The following JADE2 variants were observed in gnomAD, a reference collection of about 807,000 sequenced individuals.
The protein encoded by JADE2 is jade family PHD finger 2.
In JADE2, 13 loss-of-function variants were observed where a neutral mutation model predicts 85.7. That is an observed-to-expected ratio of 0.15 (90% CI 0.10 to 0.24). The LOEUF (loss-of-function observed/expected upper bound fraction) is 0.24. JADE2 is among the 10% of genes least tolerant of loss of function. The probability of loss-of-function intolerance (pLI) is 1.00; values close to 1 mark genes in which losing one functional copy is unlikely to be tolerated. For synonymous variants in JADE2, 440 were observed against 456.1 expected (o/e 0.96, Z 0.45); for missense variants, 846 against 1,115.9 (o/e 0.76, Z 3.45).
At chr5:134,536,209 T>C (rs553373107) in intron 2 of JADE2, among the ~76,000 whole-genome samples, 5 of 152,304 alleles carry the variant, frequency 3.3e-5, no homozygotes, top group African/African-American at 1.2e-4. Flanking sequence ...TCTGGGCTTC[T>C]GCATATATTA....
intron 1 of JADE2, among the ~76,000 whole-genome samples, chr5:134,527,021 T>TGCACC (rs1208699766): frequency 3.9e-5 from 6 of 152,144 alleles, no homozygotes; most frequent in Non-Finnish European, 7.4e-5. Context: ...CCTAGGGCCC[T>TGCACC]GCACCATGGG....
chr5:134,569,238 G>C (rs142169180), intron 9 of JADE2, among the ~76,000 whole-genome samples: 1 of 152,146 alleles, frequency 6.6e-6, no homozygotes, highest in Non-Finnish European at 1.5e-5. Context: ...CAGCCCGTGC[G>C]CTCTGAGGGT....
At chr5:134,530,158 C>T (rs1474582460) in intron 1 of JADE2, among the ~76,000 whole-genome samples, 1 of 151,942 alleles carries the variant, frequency 6.6e-6, no homozygotes, top group Non-Finnish European at 1.5e-5. Context: ...GGCTGTGACC[C>T]CGGTTTAAAG....
rs1761717034 is a variant in JADE2 at position 134,538,075 on chromosome 5, C to T, written c.145C>T (p.Pro49Ser). ...SGWPRQNEKK[P>S]SEVFRTDLIT... ...CTGGCCCCGACAGAACGAAAAGAAG[C>T]CCTCCGAGGTGGGTAGTGATGAGCT... is the stretch of plus-strand genomic sequence containing the variant. The change falls in exon 3 of 12, where the codon CCC becomes TCC. Residue 49 changes from proline to serine, a missense_variant. Around this residue, in one of 9 missense-constraint regions of JADE2, gnomAD observed 44 missense variants for 92.0 expected, o/e 0.48. Coordinates refer to ENST00000681547, the MANE Select transcript of JADE2 (RefSeq NM_001388185.1). The T allele has an allele frequency of 3.7e-6, 6 of 1,613,384 alleles. No individual in the cohort carries two copies. Among genetic ancestry groups the T allele is most frequent in the African/African-American group, 1.3e-5 (1 of 74,912 alleles).
chr5:134,571,572 C>G (rs1764020867), intron 9 of JADE2, among the ~76,000 whole-genome samples: 1 of 152,226 alleles, frequency 6.6e-6, no homozygotes, highest in Non-Finnish European at 1.5e-5. Flanking sequence ...TGGCAGGCAC[C>G]TGTAATCCCA....
intron 1 of JADE2, among the ~76,000 whole-genome samples, chr5:134,533,781 C>A (rs1761408239): frequency 7.6e-6 from 1 of 131,918 alleles, no homozygotes. Context: ...AGGTCTTACT[C>A]TGTCGCCAAG....
chr5:134,576,971 C>A (rs1764407937), intron 11 of JADE2, 75 bp downstream of exon 11: 4 of 1,462,532 alleles, frequency 2.7e-6, no homozygotes, highest in Non-Finnish European at 3.6e-6. Flanking sequence ...GTCTGCCCTG[C>A]GGAAGGCCAG....
intron 3 of JADE2, among the ~76,000 whole-genome samples, chr5:134,538,521 A>G (rs1761745316): frequency 6.6e-6 from 1 of 152,198 alleles, no homozygotes; most frequent in Non-Finnish European, 1.5e-5. Flanking sequence ...TGGAGTCCTC[A>G]GAGCCATCCA....
chr5:134,525,018 G>A (rs944739831), upstream of JADE2, among the ~76,000 whole-genome samples: 1 of 152,234 alleles, frequency 6.6e-6, no homozygotes, highest in African/African-American at 2.4e-5. Context: ...GGGGGGCGGG[G>A]TGCTCAGTGC....
In JADE2 at chr5:134,537,871, G is replaced by A. The variant is rs1761695106; in HGVS notation, c.59-118G>A. The A allele has an allele frequency of 4.1e-6, 3 of 724,056 alleles. No homozygotes were observed. The African/African-American group carries it at 5.3e-5, about 13-fold the overall frequency. The allele number at this position is 724,056 out of a possible 1,614,324, so 44.9% of individuals were successfully genotyped here. On this transcript the variant is annotated intron_variant, in intron 2 of 11. Transcript: ENST00000681547. ...AGCAGGGATACTAGGTCTCACAGAG[G>A]TTTCTCCCTCATGAACATTCTAGCC...
Position 134,525,683 on chromosome 5 carries a change from G to T in JADE2, c.-329G>T. The T allele has an allele frequency of 8.0e-7, 1 of 1,246,012 alleles. No individual in the cohort carries two copies. Among genetic ancestry groups the T allele is most frequent in the Non-Finnish European group, 1.0e-6 (1 of 973,794 alleles). 77.2% of individuals were successfully genotyped at this position (1,246,012 alleles called of 1,614,324 possible). A position where few individuals can be genotyped will look rare whatever the true frequency, so the allele number is the denominator to read the frequency against. On this transcript the variant is annotated 5_prime_UTR_variant, in exon 1 of 12. In the 5' UTR this introduces an upstream ATG that the reference lacks. Coordinates refer to ENST00000681547, the MANE Select transcript of JADE2 (RefSeq NM_001388185.1). ...TTAAAAAGAAACAGAAACATACACA[G>T]GGGGTTGGTGAATGGTGCCGACCGC...
intron 4 of JADE2, 52 bp downstream of exon 4, chr5:134,552,261 A>G (rs773590212): frequency 6.4e-7 from 1 of 1,554,178 alleles, no homozygotes; most frequent in Non-Finnish European, 8.7e-7. Context: ...GAGGAAGGGG[A>G]GGCTGCTTTC....
At chr5:134,567,305 C>T (rs1294735936) in intron 9 of JADE2, among the ~76,000 whole-genome samples, 1 of 152,122 alleles carries the variant, frequency 6.6e-6, no homozygotes, top group Admixed American at 6.5e-5. Context: ...ACCCAACACT[C>T]CCTGGAGGAG....
At position 134,525,991 on chromosome 5, in the gene JADE2, A is replaced by AG. The variant is rs1442144028; in HGVS notation, c.-15dup. Reference sequence around the variant, plus strand: ...CGCGTAGCCGAGGGCAGCGCCCGTCAGGGGGGCACCGCGGAGCAAGGTAAG... The same window carrying AG: ...CGCGTAGCCGAGGGCAGCGCCCGTCAGGGGGGGCACCGCGGAGCAAGGTAAG... On this transcript the variant is annotated 5_prime_UTR_variant, in exon 1 of 12. Transcript: ENST00000681547. The AG allele has an allele frequency of 3.0e-6, 3 of 985,268 alleles. No homozygotes were observed. Among genetic ancestry groups the AG allele is most frequent in the African/African-American group, 1.7e-5 (1 of 57,170 alleles). The allele number at this position is 985,268 out of a possible 1,614,324, so 61.0% of individuals were successfully genotyped here. A position where few individuals can be genotyped will look rare whatever the true frequency, so the allele number is the denominator to read the frequency against.
At chr5:134,551,874 A>G (rs1762611955) in intron 3 of JADE2, among the ~76,000 whole-genome samples, 178 bp from the exon 4 acceptor site, 1 of 151,680 alleles carries the variant, frequency 6.6e-6, no homozygotes, top group Admixed American at 6.6e-5. Flanking sequence ...TGTGCAAAAC[A>G]TGTGCAGAGT....
At chr5:134,539,343 A>ACC (rs1761826584) in intron 3 of JADE2, among the ~76,000 whole-genome samples, 1 of 151,426 alleles carries the variant, frequency 6.6e-6, no homozygotes, top group East Asian at 1.9e-4. Flanking sequence ...GATTACAGGC[A>ACC]TGAGCCACCG....
intron 1 of JADE2, among the ~76,000 whole-genome samples, chr5:134,526,942 T>C (rs1333963560): frequency 1.3e-5 from 2 of 151,942 alleles, no homozygotes; most frequent in Admixed American, 1.3e-4. Context: ...GTGGCCCTTG[T>C]TTACCTTCTC....
intron 1 of JADE2, among the ~76,000 whole-genome samples, chr5:134,527,486 A>G (rs987358989): frequency 6.7e-6 from 1 of 149,520 alleles, no homozygotes; most frequent in Non-Finnish European, 1.5e-5. Context: ...CACAGCTACC[A>G]CCCCACCCGC....
At chr5:134,558,749 G>T (rs1763140543) in intron 4 of JADE2, among the ~76,000 whole-genome samples, 1 of 152,222 alleles carries the variant, frequency 6.6e-6, no homozygotes, top group Non-Finnish European at 1.5e-5. Flanking sequence ...TGTTGGTCAG[G>T]CTGGTCTCGA....
Sources: gnomAD v4.1 joint callset for allele counts (sites outside exome capture counted in the v4.1 genomes callset) on GRCh38, gnomAD v4.1.1 for gene constraint, gnomAD v4.1.1 regional missense constraint, MANE v1.5 for transcripts, NCBI Gene and HGNC (gene_info 2026-07-23, HGNC 2026-07-21) for gene names.